AVP: variants seen among roughly 807,000 people sequenced by gnomAD.
AVP encodes the protein arginine vasopressin.
Under a neutral mutation model 11.1 loss-of-function variants are expected in AVP, and 9 were observed. The ratio of observed to expected loss-of-function variants is 0.81; its 90% CI spans 0.49 to 1.42. The LOEUF (loss-of-function observed/expected upper bound fraction) is 1.42, where lower values mean the gene tolerates loss of function less well. Among genes scored for constraint, AVP ranks in the 40% most tolerant of loss-of-function variants. AVP has a pLI of 0.00. For synonymous variants in AVP, 106 were observed against 111.3 expected (o/e 0.95, Z 0.30); for missense variants, 206 against 238.5 (o/e 0.86, Z 0.90).
In AVP at chr20:3,082,856, G is replaced by A. The variant is rs2066117338; in HGVS notation, c.323-54C>T. ...CCCTGGGGCGGGCGCAGCTCGGGGT[G>A]CGGGGGGCCCACACCCTCCCTGCCG... On this transcript the variant is annotated intron_variant, in intron 2 of 2. Coordinates refer to ENST00000380293, the MANE Select transcript of AVP (RefSeq NM_000490.5). The surrounding 1 kb of genome is among the most constrained non-coding windows in gnomAD (Gnocchi z 4.7). 2 of 1,220,214 alleles carry A rather than the reference G, an allele frequency of 1.6e-6. No homozygotes were observed. Among genetic ancestry groups the A allele is most frequent in the Admixed American group, 4.4e-5 (1 of 22,632 alleles). The allele number at this position is 1,220,214 out of a possible 1,614,324, so 75.6% of individuals were successfully genotyped here. A position where few individuals can be genotyped will look rare whatever the true frequency, so the allele number is the denominator to read the frequency against.
At position 3,082,716 on chromosome 20, in the gene AVP, C is replaced by G. The variant is rs765019311; in HGVS notation, c.409G>C (p.Gly137Arg). The G allele has an allele frequency of 3.1e-5, 40 of 1,285,742 alleles. No homozygotes were observed. The highest frequency in any genetic ancestry group is 4.1e-5 in the Admixed American group (1 of 24,610). The allele number at this position is 1,285,742 out of a possible 1,614,324, so 79.6% of individuals were successfully genotyped here. Residue 137 changes from glycine (G) to arginine (R), a missense_variant, in exon 3 of 3, where the codon GGG becomes CGG. Physicochemically the swap from Gly to Arg is moderately radical, Grantham distance 125. This residue lies in a region of AVP where 106 missense variants were observed against 89.2 expected (regional missense o/e 1.19). Coordinates refer to ENST00000380293, the MANE Select transcript of AVP (RefSeq NM_000490.5). The surrounding 1 kb of genome is among the most constrained non-coding windows in gnomAD (Gnocchi z 4.7). ...CGCAGCAGCAAGGCCCCGGCCGGCC[C>G]GTCCAGCTGCGTGGCGTTGCTCCGG... ...SDRSNATQLD[G>R]PAGALLLRLV...
Position 3,083,066 on chromosome 20 carries a change from T to C in AVP, c.233A>G (p.Glu78Gly). ...CTGGCAGGGCGACGGCAGGTAGTTC[T>C]CCTCCTGGCAGCGCAGCGCCTCAGC... The part of the protein sequence containing the change: ...GTAEALRCQE[E>G]NYLPSPCQSG... Residue 78 changes from glutamate to glycine, a missense_variant, in exon 2 of 3, where the codon GAG (glutamate) becomes GGG (glycine). Glu to Gly is a moderately conservative substitution (Grantham distance 98). Transcript: ENST00000380293. This position sits in a 1 kb window ranked among gnomAD's most constrained non-coding sequence, Gnocchi z 5.4. The C allele has an allele frequency of 6.4e-7, 1 of 1,563,220 alleles. No individual in the cohort carries two copies. Among genetic ancestry groups the C allele is most frequent in the Non-Finnish European group, 8.6e-7 (1 of 1,165,038 alleles).
intron 1 of AVP, among the ~76,000 whole-genome samples, chr20:3,084,073 G>GC (rs1189105390): frequency 1.3e-5 from 2 of 152,142 alleles, no homozygotes; most frequent in Non-Finnish European, 2.9e-5. Context: ...CCCACAGGAT[G>GC]CCCCACTCAA....
Position 3,083,064 on chromosome 20 carries a change from TCTC to T in AVP, c.232_234del (p.Glu78del), listed in dbSNP as rs2066119604. On this transcript the variant is annotated inframe_deletion, in exon 2 of 3. Transcript: ENST00000380293. The surrounding 1 kb of genome is among the most constrained non-coding windows in gnomAD (Gnocchi z 5.4). ...GACTGGCAGGGCGACGGCAGGTAGT[TCTC>T]CTCCTGGCAGCGCAGCGCCTCAGCC... 6.4e-7 allele frequency: 1 copy of T among 1,563,426 alleles called. No individual in the cohort carries two copies. The highest frequency in any genetic ancestry group is 8.6e-7 in the Non-Finnish European group (1 of 1,165,154).
chr20:3,082,609 C>T lies in AVP; in HGVS notation c.*21G>A, dbSNP rs1005281728. On this transcript the variant is annotated 3_prime_UTR_variant, in exon 3 of 3. Coordinates refer to ENST00000380293, the MANE Select transcript of AVP (RefSeq NM_000490.5). This position sits in a 1 kb window ranked among gnomAD's most constrained non-coding sequence, Gnocchi z 4.7. ...TGCAGGGGCGGGCGCGAAGAGCGCG[C>T]CGGTGGGGCGAGCGCGGGGCTCAGT... 2 of 1,246,560 alleles carry T rather than the reference C, an allele frequency of 1.6e-6. No individual in the cohort carries two copies. Among genetic ancestry groups the T allele is most frequent in the East Asian group, 3.2e-5 (1 of 31,088 alleles). 77.2% of individuals were successfully genotyped at this position (1,246,560 alleles called of 1,614,324 possible). A position where few individuals can be genotyped will look rare whatever the true frequency, so the allele number is the denominator to read the frequency against.
In AVP at chr20:3,084,553, A is replaced by G; in HGVS notation, c.120+2T>C. ...CCTGAGATGGCCCACAGTGGGAAGT[A>G]CCTGTCTCAGCTCCAGGTCGGACAT... On this transcript the variant is annotated splice_donor_variant, in intron 1 of 2. Transcript: ENST00000380293. LOFTEE classifies it high-confidence loss of function. The G allele has an allele frequency of 6.2e-7, 1 of 1,613,874 alleles. No individual in the cohort carries two copies. The highest frequency in any genetic ancestry group is 1.6e-4 in the Middle Eastern group (1 of 6,062).
rs1013847990 is a variant in AVP at position 3,083,615 on chromosome 20, C to T, written c.121-437G>A. Among the ~76,000 whole-genome samples, 3 of 152,278 alleles carry T rather than the reference C, an allele frequency of 2.0e-5. No homozygotes were observed. The highest frequency in any genetic ancestry group is 4.8e-5 in the African/African-American group (2 of 41,566). ...TTCCCCACTACACCATGCGGAGAGG[C>T]CCTACCCATCCAGAACCCCGGCCCT... is the stretch of plus-strand genomic sequence containing the variant. On this transcript the variant is annotated intron_variant, in intron 1 of 2. Coordinates refer to ENST00000380293, the MANE Select transcript of AVP (RefSeq NM_000490.5). The surrounding 1 kb of genome is among the most constrained non-coding windows in gnomAD (Gnocchi z 5.4).
intron 1 of AVP, among the ~76,000 whole-genome samples, chr20:3,084,052 A>G (rs914337152): frequency 6.6e-6 from 1 of 152,234 alleles, no homozygotes; most frequent in African/African-American, 2.4e-5. Flanking sequence ...CCAGGTTCCC[A>G]GCAGAACTTC....
rs2066126858 is a variant in AVP, at chr20:3,084,360, C to A, written c.120+195G>T. On this transcript the variant is annotated intron_variant, in intron 1 of 2. Transcript: ENST00000380293. ...CAGGAGCGCCTTCAGCCTCTCCCAG[C>A]CTCCTCCAAAGCCTGGTCCCCTCTG... is the stretch of plus-strand genomic sequence containing the variant. Among the ~76,000 whole-genome samples, 3 of 152,214 alleles carry A rather than the reference C, an allele frequency of 2.0e-5. No homozygotes were observed. In the South Asian group the frequency reaches 6.2e-4, roughly 31 times the overall value.
Position 3,083,982 on chromosome 20 carries a change from G to A in AVP, c.120+573C>T, listed in dbSNP as rs2066124951. Among the ~76,000 whole-genome samples the A allele has an allele frequency of 6.6e-6, 1 of 152,236 alleles. No individual in the cohort carries two copies. The highest frequency in any genetic ancestry group is 2.4e-5 in the African/African-American group (1 of 41,460). On this transcript the variant is annotated intron_variant, in intron 1 of 2. Coordinates refer to ENST00000380293, the MANE Select transcript of AVP (RefSeq NM_000490.5). This position sits in a 1 kb window ranked among gnomAD's most constrained non-coding sequence, Gnocchi z 5.4. ...CTGGACAGAATTGCATGCACATCGTGATTGGATTTCCTTCAGCTCTGCTGG... is the reference window on the plus strand; with the variant it reads ...CTGGACAGAATTGCATGCACATCGTAATTGGATTTCCTTCAGCTCTGCTGG...
intron 1 of AVP, 28 bp downstream of exon 1, chr20:3,084,527 C>G (rs566449648): frequency 1.2e-6 from 2 of 1,613,494 alleles, no homozygotes; most frequent in Admixed American, 1.7e-5. Context: ...GCTATGGCAG[C>G]CCTGAGATGG....
chr20:3,083,270 G>T lies in AVP; in HGVS notation c.121-92C>A. 2 of 1,280,888 alleles carry T rather than the reference G, an allele frequency of 1.6e-6. No homozygotes were observed. The highest frequency in any genetic ancestry group is 2.0e-6 in the Non-Finnish European group (2 of 991,426). 79.3% of individuals were successfully genotyped at this position (1,280,888 alleles called of 1,614,324 possible). Reference sequence around the variant, plus strand: ...GCGAGGCGGGGATGCTGGGGTCCAGGGCTCGGAGTGCGGGCGGGACACCGG... The same window carrying T: ...GCGAGGCGGGGATGCTGGGGTCCAGTGCTCGGAGTGCGGGCGGGACACCGG... On this transcript the variant is annotated intron_variant, in intron 1 of 2. Coordinates refer to ENST00000380293, the MANE Select transcript of AVP (RefSeq NM_000490.5). The surrounding 1 kb of genome is among the most constrained non-coding windows in gnomAD (Gnocchi z 5.4).
At chr20:3,084,490 C>T in intron 1 of AVP, 65 bp downstream of exon 1, 2 of 1,609,974 alleles carry the variant, frequency 1.2e-6, no homozygotes, top group Non-Finnish European at 1.7e-6. Flanking sequence ...CTTTCCTAGC[C>T]CCTGACCCAG....
At chr20:3,084,442 A>T in intron 1 of AVP, 113 bp downstream of exon 1, 1 of 1,570,500 alleles carries the variant, frequency 6.4e-7, no homozygotes, top group Non-Finnish European at 8.7e-7. Flanking sequence ...TCCTCCCCCG[A>T]ACTTCCCCTA....
rs2066119785 is a variant in AVP, at chr20:3,083,094, T to A, written c.205A>T (p.Thr69Ser). 5 of 1,558,118 alleles carry A rather than the reference T, an allele frequency of 3.2e-6. No homozygotes were observed. Among genetic ancestry groups the A allele is most frequent in the Non-Finnish European group, 4.3e-6 (5 of 1,162,282 alleles). ...TCCTGGCAGCGCAGCGCCTCAGCCG[T>A]GCCCACGAAGCAGCCCAGCTCGTCC... ...CADELGCFVGTAEALRCQEEN... is the reference protein window; with the variant it reads ...CADELGCFVGSAEALRCQEEN... The change falls in exon 2 of 3, where the codon ACG becomes TCG. Residue 69 changes from threonine (T) to serine (S), a missense_variant. Transcript: ENST00000380293. The surrounding 1 kb of genome is among the most constrained non-coding windows in gnomAD (Gnocchi z 5.4).
Position 3,083,857 on chromosome 20 carries a change from T to C in AVP, c.121-679A>G, listed in dbSNP as rs1487856983. Among the ~76,000 whole-genome samples the C allele has an allele frequency of 6.6e-6, 1 of 152,276 alleles. No homozygotes were observed. Among genetic ancestry groups the C allele is most frequent in the East Asian group, 1.9e-4 (1 of 5,176 alleles). ...TGCGGGGGTTGCCGAGCGGCCACTC[T>C]CATCTGCTCAACAGCCGGTTCTCTG... On this transcript the variant is annotated intron_variant, in intron 1 of 2. Coordinates refer to ENST00000380293, the MANE Select transcript of AVP (RefSeq NM_000490.5). The surrounding 1 kb of genome is among the most constrained non-coding windows in gnomAD (Gnocchi z 5.4).
chr20:3,083,495 T>C lies in AVP; in HGVS notation c.121-317A>G, dbSNP rs1349444720. On this transcript the variant is annotated intron_variant, in intron 1 of 2. Transcript: ENST00000380293. This position sits in a 1 kb window ranked among gnomAD's most constrained non-coding sequence, Gnocchi z 5.4. ...CCTCGAGCCTCGGGGTCATCGCTGGTGGGCGCCACTGTTGCAGCTGCCCCA... is the reference window on the plus strand; with the variant it reads ...CCTCGAGCCTCGGGGTCATCGCTGGCGGGCGCCACTGTTGCAGCTGCCCCA... Among the ~76,000 whole-genome samples, 3 of 152,094 alleles carry C rather than the reference T, an allele frequency of 2.0e-5. No homozygotes were observed. Among genetic ancestry groups the C allele is most frequent in the African/African-American group, 7.2e-5 (3 of 41,394 alleles).
In AVP at chr20:3,083,243, C is replaced by G. The variant is rs1054392260; in HGVS notation, c.121-65G>C. The G allele has an allele frequency of 5.1e-6, 7 of 1,368,688 alleles. No individual in the cohort carries two copies. In the Admixed American group the frequency reaches 1.5e-4, roughly 30 times the overall value. 84.8% of individuals were successfully genotyped at this position (1,368,688 alleles called of 1,614,324 possible). ...GGAGTCGAGGGGTTGGAGGGGAACG[C>G]AGCGAGGCGGGGATGCTGGGGTCCA... On this transcript the variant is annotated intron_variant, in intron 1 of 2. Coordinates refer to ENST00000380293, the MANE Select transcript of AVP (RefSeq NM_000490.5). This position sits in a 1 kb window ranked among gnomAD's most constrained non-coding sequence, Gnocchi z 5.4.
rs1316727425 is a variant in AVP at position 3,083,920 on chromosome 20, G to C, written c.120+635C>G. On this transcript the variant is annotated intron_variant, in intron 1 of 2. Coordinates refer to ENST00000380293, the MANE Select transcript of AVP (RefSeq NM_000490.5). This position sits in a 1 kb window ranked among gnomAD's most constrained non-coding sequence, Gnocchi z 5.4. ...GCGCATTAGACTTTTAGCTGAGCCTGGTGTGGTCTAATTTGCTCAAGGGCT... is the reference window on the plus strand; with the variant it reads ...GCGCATTAGACTTTTAGCTGAGCCTCGTGTGGTCTAATTTGCTCAAGGGCT... 6.6e-6 allele frequency among the ~76,000 whole-genome samples: 1 copy of C among 152,250 alleles called. No individual in the cohort carries two copies. Among genetic ancestry groups the C allele is most frequent in the Non-Finnish European group, 1.5e-5 (1 of 68,052 alleles).
Sources: allele counts gnomAD v4.1 joint callset (sites outside exome capture counted in the v4.1 genomes callset), GRCh38; gene constraint gnomAD v4.1.1; regional missense constraint gnomAD v4.1.1; non-coding constraint Gnocchi (gnomAD v3.1); transcripts MANE v1.5; gene names NCBI Gene and HGNC (gene_info 2026-07-23, HGNC 2026-07-21).